HAVCR2: variants seen among roughly 807,000 people sequenced by gnomAD.
The protein encoded by HAVCR2 is hepatitis A virus cellular receptor 2, also known as T cell immunoglobulin mucin 3.
In HAVCR2, 13 loss-of-function variants were observed where a neutral mutation model predicts 24.7. The ratio of observed to expected loss-of-function variants is 0.53; its 90% CI spans 0.34 to 0.84. The LOEUF (loss-of-function observed/expected upper bound fraction) is 0.84, where lower values mean the gene tolerates loss of function less well. HAVCR2 is among the 40% of genes least tolerant of loss of function. The pLI, the probability that HAVCR2 is intolerant of heterozygous loss-of-function variation, is 0.01. For synonymous variants in HAVCR2, 154 were observed against 143.4 expected, an observed-to-expected ratio of 1.07 and a Z score of -0.53; for missense variants, 343 against 371.2, an observed-to-expected ratio of 0.92 and a Z score of 0.62.
chr5:157,094,632 C>A (rs1050204387), intron 5 of HAVCR2, among the ~76,000 whole-genome samples: 1 of 151,982 alleles, frequency 6.6e-6, no homozygotes. Flanking sequence ...ATCCACCCCC[C>A]TCAGCCTCCC....
chr5:157,098,300 G>A (rs1757122343), intron 4 of HAVCR2, among the ~76,000 whole-genome samples: 4 of 151,940 alleles, frequency 2.6e-5, no homozygotes, highest in Non-Finnish European at 5.9e-5. Context: ...CCAGCTACTC[G>A]GAAGGCTGAG....
rs869177923 is a variant in HAVCR2 at position 157,090,122 on chromosome 5, C to CTTTT, written c.677-1149_677-1146dup. Among the ~76,000 whole-genome samples the CTTTT allele has an allele frequency of 3.1e-3, 200 of 65,568 alleles. 9 individuals carry two copies. Among genetic ancestry groups the CTTTT allele is most frequent in the Non-Finnish European group, 3.6e-3 (135 of 37,692 alleles). 43.0% of individuals were successfully genotyped at this position (65,568 alleles called of 152,430 possible). A position where few individuals can be genotyped will look rare whatever the true frequency, so the allele number is the denominator to read the frequency against. On this transcript the variant is annotated intron_variant, in intron 5 of 6. Transcript: ENST00000307851. ...TTAAAATTTTCCTTTCTTTTCTTTT[C>CTTTT]TTTTTTTTTTTTTTTTTTTTTTTTT...
At position 157,087,366 on chromosome 5, in the gene HAVCR2, C is replaced by T. The variant is rs182887285; in HGVS notation, c.714-72G>A. ...CACGGAATAGAGTTAAGAGAATAGG[C>T]TTTCCCAAAGAGACAGCAACTAAAT... On this transcript the variant is annotated intron_variant, in intron 6 of 6. Transcript: ENST00000307851. The T allele has an allele frequency of 1.0e-5, 14 of 1,345,988 alleles. No individual in the cohort carries two copies. In the Admixed American group the frequency reaches 3.5e-4, roughly 34 times the overall value. The allele number at this position is 1,345,988 out of a possible 1,614,324, so 83.4% of individuals were successfully genotyped here. A position where few individuals can be genotyped will look rare whatever the true frequency, so the allele number is the denominator to read the frequency against.
Position 157,086,171 on chromosome 5 carries a change from G to C in HAVCR2, c.*931C>G, listed in dbSNP as rs9313439. The C allele has an allele frequency of 0.84, 127,296 of 152,248 alleles. 53,401 individuals are homozygous for C. The highest frequency in any genetic ancestry group is 0.99 in the East Asian group (5,113 of 5,182). 9.4% of individuals were successfully genotyped at this position (152,248 alleles called of 1,614,324 possible). ...AATACACACCAATCAAATGCACTTC[G>C]TTTTTCCCTGGGAGCTCCTGCCACA... On this transcript the variant is annotated 3_prime_UTR_variant, in exon 7 of 7. Transcript: ENST00000307851.
In HAVCR2 at chr5:157,095,309, T is replaced by C. The variant is rs1757078668; in HGVS notation, c.673A>G (p.Lys225Glu). 1 of 1,613,194 alleles carries C rather than the reference T, an allele frequency of 6.2e-7. No homozygotes were observed. Among genetic ancestry groups the C allele is most frequent in the South Asian group, 1.1e-5 (1 of 90,986 alleles). Residue 225 changes from lysine to glutamate, a missense_variant, in exon 5 of 7, where the codon AAA becomes GAA. Lys to Glu is a moderately conservative substitution (Grantham distance 56). Transcript: ENST00000307851. ...AGAGAGAAACAAAAACACTTACATT[T>C]GAAAATTAAAGCGCCGAAGATAAGA... ...LALIFGALIFKWYSHSKEKIQ... is the reference protein window; with the variant it reads ...LALIFGALIFEWYSHSKEKIQ...
chr5:157,091,068 A>T (rs2113685036), intron 5 of HAVCR2, among the ~76,000 whole-genome samples: 1 of 152,366 alleles, frequency 6.6e-6, no homozygotes, highest in Middle Eastern at 3.4e-3. Context: ...AATGGATCAA[A>T]GAGAAGAATG....
In HAVCR2 at chr5:157,090,153, AG is replaced by A. The variant is rs1756977114; in HGVS notation, c.677-1177del. On this transcript the variant is annotated intron_variant, in intron 5 of 6. Transcript: ENST00000307851. ...TTTTTTTTTTTTTTTTTTTTGAGAC[AG>A]GGTCTTGCTCTGTTGGCCAGGCTGG... Among the ~76,000 whole-genome samples the A allele has an allele frequency of 1.2e-4, 13 of 105,790 alleles. No individual in the cohort carries two copies. The South Asian group carries it at 3.8e-3, about 31-fold the overall frequency. The allele number at this position is 105,790 out of a possible 152,430, so 69.4% of individuals were successfully genotyped here. A position where few individuals can be genotyped will look rare whatever the true frequency, so the allele number is the denominator to read the frequency against.
intron 3 of HAVCR2, among the ~76,000 whole-genome samples, chr5:157,102,865 G>T (rs531813942): frequency 1.3e-5 from 2 of 148,218 alleles, no homozygotes; most frequent in African/African-American, 5.0e-5. Flanking sequence ...AACCTGGGAG[G>T]CAGAGTTTGC....
Position 157,106,898 on chromosome 5 carries a change from G to T in HAVCR2, c.123C>A (p.Thr41=). 4 of 1,614,192 alleles carry T rather than the reference G, an allele frequency of 2.5e-6. No homozygotes were observed. The highest frequency in any genetic ancestry group is 3.4e-6 in the Non-Finnish European group (4 of 1,180,034). Residue 41 remains threonine (T), a synonymous_variant, in exon 2 of 7, where the codon ACC becomes ACA. Coordinates refer to ENST00000307851, the MANE Select transcript of HAVCR2 (RefSeq NM_032782.5). ...GQNAYLPCFY[T]PAAPGNLVPV... ...GCACGAGGTTCCCTGGGGCGGCTGG[G>T]GTGTAGAAGCAGGGCAGATAGGCAT... is the stretch of plus-strand genomic sequence containing the variant.
Position 157,102,083 on chromosome 5 carries a change from T to C in HAVCR2, c.478+2583A>G, listed in dbSNP as rs1234810844. On this transcript the variant is annotated intron_variant, in intron 3 of 6. Coordinates refer to ENST00000307851, the MANE Select transcript of HAVCR2 (RefSeq NM_032782.5). ...TCCTGAGTAGCTGGAATTATAGGCATGCACCACCATGACCAGCTAATTTTT... is the reference window on the plus strand; with the variant it reads ...TCCTGAGTAGCTGGAATTATAGGCACGCACCACCATGACCAGCTAATTTTT... Among the ~76,000 whole-genome samples, 6 of 151,678 alleles carry C rather than the reference T, an allele frequency of 4.0e-5. No homozygotes were observed. The South Asian group carries it at 1.3e-3, about 32-fold the overall frequency.
intron 5 of HAVCR2, among the ~76,000 whole-genome samples, chr5:157,090,122 C>CTTTTTTTTTTTTTTTTTTT (rs869177923): frequency 6.1e-5 from 4 of 65,576 alleles, no homozygotes; most frequent in Non-Finnish European, 8.0e-5. Context: ...CTTTTCTTTT[C>CTTTTTTTTTTTTTTTTTTT]TTTTTTTTTT....
rs375039142 is a variant in HAVCR2 at position 157,098,603 on chromosome 5, A to C, written c.522+255T>G. 8.5e-5 allele frequency among the ~76,000 whole-genome samples: 13 copies of C among 152,260 alleles called. No homozygotes were observed. The South Asian group carries it at 1.7e-3, about 19-fold the overall frequency. On this transcript the variant is annotated intron_variant, in intron 4 of 6. Transcript: ENST00000307851. The stretch of plus-strand genomic sequence containing the variant: ...GAAATTGAAGAATAAGAGGGACAAA[A>C]TGCTAATGTTTCTTCTTTGTGGTTT...
In HAVCR2 at chr5:157,106,710, T is replaced by C. The variant is rs1478141906; in HGVS notation, c.311A>G (p.Asp104Gly). 5 of 1,614,118 alleles carry C rather than the reference T, an allele frequency of 3.1e-6. No individual in the cohort carries two copies. The highest frequency in any genetic ancestry group is 1.3e-5 in the African/African-American group (1 of 74,958). The part of the protein sequence containing the change: ...SLTIENVTLA[D>G]SGIYCCRIQI... ...GATCCGGCAGCAGTAGATCCCACTGTCTGCTAGAGTCACATTCTCTATGGT... is the reference window on the plus strand; with the variant it reads ...GATCCGGCAGCAGTAGATCCCACTGCCTGCTAGAGTCACATTCTCTATGGT... Residue 104 changes from aspartate to glycine, a missense_variant, in exon 2 of 7, where the codon GAC becomes GGC. Asp to Gly is a moderately conservative substitution (Grantham distance 94). Transcript: ENST00000307851.
intron 4 of HAVCR2, among the ~76,000 whole-genome samples, chr5:157,097,451 G>A (rs1199425447): frequency 6.6e-6 from 1 of 151,696 alleles, no homozygotes; most frequent in African/African-American, 2.4e-5. Context: ...GTAGAGACAG[G>A]GTGTCACTAT....
intron 3 of HAVCR2, among the ~76,000 whole-genome samples, chr5:157,102,970 A>T (rs1239204148): frequency 6.6e-6 from 1 of 151,510 alleles, no homozygotes; most frequent in Non-Finnish European, 1.5e-5. Flanking sequence ...ACTAAAGGAA[A>T]GAAGACTTCT....
At chr5:157,090,338 G>A (rs755094467) in intron 5 of HAVCR2, among the ~76,000 whole-genome samples, 77 of 151,832 alleles carry the variant, frequency 5.1e-4, no homozygotes, top group Non-Finnish European at 4.3e-4. Context: ...GCTCACGCCT[G>A]TAATCCTAGC....
intron 4 of HAVCR2, among the ~76,000 whole-genome samples, chr5:157,098,463 T>A (rs941764184): frequency 6.6e-6 from 1 of 151,792 alleles, no homozygotes; most frequent in African/African-American, 2.4e-5. Context: ...TGTCTTGCCA[T>A]ATTTAAAGAG....
At chr5:157,089,071 G>C in intron 5 of HAVCR2, 94 bp from the exon 6 acceptor site, 3 of 1,083,350 alleles carry the variant, frequency 2.8e-6, no homozygotes, top group South Asian at 2.8e-5. Context: ...GCATAGTTTA[G>C]GGAAATCTGG....
chr5:157,107,859 GCCC>G (rs34663733), intron 1 of HAVCR2, among the ~76,000 whole-genome samples: 1 of 129,890 alleles, frequency 7.7e-6, no homozygotes, highest in African/African-American at 2.8e-5. Flanking sequence ...TTTTTCCTCT[GCCC>G]CCCCCCCTTT....
Sources: allele counts gnomAD v4.1 joint callset (sites outside exome capture counted in the v4.1 genomes callset), GRCh38; gene constraint gnomAD v4.1.1; transcripts MANE v1.5; gene names NCBI Gene and HGNC (gene_info 2026-07-23, HGNC 2026-07-21).